CHLSN: variants seen among roughly 807,000 people sequenced by gnomAD.
CHLSN encodes the protein cholesin, also known as protein cholesin.
the CHLSN span, among the ~76,000 whole-genome samples, chr7:1,064,954 C>T: frequency 3.9e-5 from 6 of 152,272 alleles, no homozygotes; most frequent in African/African-American, 1.4e-4. Flanking sequence ...CTGTGCCACA[C>T]ACACTAAGGC....
At chr7:1,134,168 G>A in the CHLSN span, among the ~76,000 whole-genome samples, 2 of 151,958 alleles carry the variant, frequency 1.3e-5, no homozygotes, top group Non-Finnish European at 2.9e-5. Flanking sequence ...AGCTACTTGG[G>A]AGGTTGAGGC....
the CHLSN span, among the ~76,000 whole-genome samples, chr7:1,110,317 G>A: frequency 2.8e-4 from 43 of 152,216 alleles, 1 homozygote; most frequent in East Asian, 7.3e-3. Context: ...CACGTCCTCC[G>A]ACGACAAGGA....
the CHLSN span, among the ~76,000 whole-genome samples, chr7:1,098,203 G>C: frequency 6.6e-6 from 1 of 152,198 alleles, no homozygotes; most frequent in African/African-American, 2.4e-5. Context: ...CGTGGCGGCA[G>C]GATGCACACA....
the CHLSN span, among the ~76,000 whole-genome samples, chr7:999,080 C>CGTGT: frequency 4.0e-5 from 6 of 151,268 alleles, no homozygotes; most frequent in Non-Finnish European, 5.9e-5. Context: ...GATAACTTTG[C>CGTGT]GTGTGTGTGT....
the CHLSN span, chr7:988,778 A>T: frequency 6.3e-7 from 1 of 1,596,974 alleles, no homozygotes; most frequent in African/African-American, 1.3e-5. Context: ...GGCTTTTACC[A>T]TGAGGCCGAG....
chr7:986,554 G>T, the CHLSN span: 3 of 1,566,878 alleles, frequency 1.9e-6, no homozygotes, highest in Non-Finnish European at 2.6e-6. Flanking sequence ...CGCTGGGGAC[G>T]ATCACCGCCT....
At chr7:987,627 C>T in the CHLSN span, 6 of 1,229,868 alleles carry the variant, frequency 4.9e-6, 1 homozygote, top group Admixed American at 5.6e-5. Context: ...TGGTGGGTGC[C>T]TGATGGCCCA....
the CHLSN span, among the ~76,000 whole-genome samples, chr7:1,100,145 C>T: frequency 6.6e-6 from 1 of 152,198 alleles, no homozygotes; most frequent in Admixed American, 6.5e-5. Flanking sequence ...CTATACATGC[C>T]ACTTGCCTTT....
At chr7:1,063,601 G>A in the CHLSN span, among the ~76,000 whole-genome samples, 3 of 152,222 alleles carry the variant, frequency 2.0e-5, no homozygotes, top group African/African-American at 4.8e-5. Context: ...GGCACTCCTC[G>A]GGCAGACACA....
At chr7:1,098,666 C>T in the CHLSN span, among the ~76,000 whole-genome samples, 7 of 146,716 alleles carry the variant, frequency 4.8e-5, no homozygotes, top group African/African-American at 1.7e-4. Flanking sequence ...GTGGAGCTGC[C>T]ACGCTCGGTG....
chr7:1,041,204 C>A, the CHLSN span, among the ~76,000 whole-genome samples: 5 of 152,196 alleles, frequency 3.3e-5, no homozygotes, highest in Admixed American at 3.3e-4. Context: ...GGGCTCCGCA[C>A]TGCAGGGAAC....
the CHLSN span, among the ~76,000 whole-genome samples, chr7:1,012,965 G>A: frequency 4.6e-5 from 7 of 152,222 alleles, no homozygotes; most frequent in Admixed American, 3.3e-4. Flanking sequence ...GGCGGGCCCC[G>A]GGAGGGTGTG....
At chr7:1,038,212 T>G in the CHLSN span, among the ~76,000 whole-genome samples, 6 of 56,898 alleles carry the variant, frequency 1.1e-4, no homozygotes, top group Non-Finnish European at 2.2e-4. Flanking sequence ...AGGTGGGGGG[T>G]CAGCCCCCCC....
chr7:980,774 G>A, the CHLSN span, among the ~76,000 whole-genome samples: 2 of 144,080 alleles, frequency 1.4e-5, no homozygotes, highest in African/African-American at 5.2e-5. Flanking sequence ...TGCAAGCTCC[G>A]CCTCCCGGGT....
At chr7:1,043,987 C>A in the CHLSN span, 1 of 152,226 alleles carries the variant, frequency 6.6e-6, no homozygotes, top group Non-Finnish European at 1.5e-5. Flanking sequence ...TCAACTTTTC[C>A]AATGTTTAAC....
the CHLSN span, among the ~76,000 whole-genome samples, chr7:1,043,050 G>A: frequency 3.3e-5 from 5 of 149,678 alleles, no homozygotes; most frequent in South Asian, 2.1e-4. Flanking sequence ...TCAGGAGTTC[G>A]AGACCAGCCG....
the CHLSN span, among the ~76,000 whole-genome samples, chr7:1,108,817 G>A: frequency 1.4e-5 from 2 of 142,420 alleles, no homozygotes; most frequent in Admixed American, 6.7e-5. Flanking sequence ...TCACTGGAGC[G>A]GCTGCTGGGT....
At chr7:1,068,473 CCA>C in the CHLSN span, among the ~76,000 whole-genome samples, 2 of 152,248 alleles carry the variant, frequency 1.3e-5, no homozygotes, top group East Asian at 3.9e-4. Flanking sequence ...CACTCGCCCT[CCA>C]CAGTCACACA....
chr7:1,111,038 G>C, the CHLSN span, among the ~76,000 whole-genome samples: 7 of 152,176 alleles, frequency 4.6e-5, no homozygotes, highest in South Asian at 6.2e-4. Context: ...ATCGCACCAG[G>C]GCACTCCAGC....
Sources: allele counts gnomAD v4.1 joint callset (sites outside exome capture counted in the v4.1 genomes callset), GRCh38; gene constraint gnomAD v4.1.1; transcripts MANE v1.5; gene names NCBI Gene and HGNC (gene_info 2026-07-23, HGNC 2026-07-21).